The following B4GALNT3 variants were observed in gnomAD, a reference collection of about 807,000 sequenced individuals.
B4GALNT3 encodes the protein beta-1,4-N-acetylgalactosaminyltransferase 3.
B4GALNT3 carries 86 observed loss-of-function variants against 120.2 expected under a neutral mutation model. That is an observed-to-expected ratio of 0.72 (90% confidence interval 0.60 to 0.86). B4GALNT3 has a LOEUF of 0.86. B4GALNT3 is among the 40% of genes least tolerant of loss of function. The pLI, the probability that B4GALNT3 is intolerant of heterozygous loss-of-function variation, is 0.00. For missense variants in B4GALNT3, 1,167 were observed against 1,298.9 expected (o/e 0.90, Z 1.56); for synonymous variants, 518 against 510.4 (o/e 1.01, Z -0.20).
At chr12:500,378 G>A (rs1946426629) in intron 1 of B4GALNT3, among the ~76,000 whole-genome samples, 1 of 152,178 alleles carries the variant, frequency 6.6e-6, no homozygotes, top group South Asian at 2.1e-4. Flanking sequence ...GTTTCAACAG[G>A]AGGTTCATGG....
intron 1 of B4GALNT3, among the ~76,000 whole-genome samples, chr12:480,762 G>A (rs147508624): frequency 1.1e-3 from 165 of 152,282 alleles, no homozygotes; most frequent in African/African-American, 3.8e-3. Context: ...GAGGAGGGGT[G>A]CAATTGCATG....
chr12:504,968 G>A (rs1313888003), intron 1 of B4GALNT3, among the ~76,000 whole-genome samples: 3 of 151,388 alleles, frequency 2.0e-5, no homozygotes, highest in Non-Finnish European at 4.4e-5. Context: ...TCGGCTCACT[G>A]CAACCTCCGC....
chr12:558,651 G>A lies in B4GALNT3; in HGVS notation c.2751G>A (p.Gln917=). The A allele has an allele frequency of 6.2e-7, 1 of 1,613,938 alleles. No individual in the cohort carries two copies. Among genetic ancestry groups the A allele is most frequent in the Non-Finnish European group, 8.5e-7 (1 of 1,179,960 alleles). The change falls in exon 18 of 20, where the codon CAG becomes CAA. Residue 917 remains glutamine, a synonymous_variant. Transcript: ENST00000266383. The stretch of plus-strand genomic sequence containing the variant: ...GGCTGCATTGTGGGGCCACCCCCCA[G>A]TGGCCTGAGGGTGAGCCCTGCTCAG... The part of the protein sequence containing the change: ...VMRLHCGATP[Q]WPEGYWEVNG...
At chr12:547,995 C>G (rs1248211390) in intron 7 of B4GALNT3, 29 bp from the exon 8 acceptor site, 1 of 1,604,216 alleles carries the variant, frequency 6.2e-7, no homozygotes, top group African/African-American at 1.3e-5. Flanking sequence ...GGAGATGGCG[C>G]TCTGCTTCCC....
intron 1 of B4GALNT3, among the ~76,000 whole-genome samples, chr12:475,125 AAGAAG>A (rs1416112098): frequency 6.6e-6 from 1 of 152,116 alleles, no homozygotes; most frequent in East Asian, 1.9e-4. Flanking sequence ...AAAGAAAGAA[AAGAAG>A]AGAAGAGAGA....
At chr12:556,526 T>A (rs1314417836) in intron 14 of B4GALNT3, 21 bp from the exon 15 acceptor site, 3 of 1,599,726 alleles carry the variant, frequency 1.9e-6, no homozygotes, top group African/African-American at 1.3e-5. Flanking sequence ...CCACTCAGCC[T>A]CCCCACACTT....
At chr12:472,348 A>C (rs1269693906) in intron 1 of B4GALNT3, among the ~76,000 whole-genome samples, 3 of 152,240 alleles carry the variant, frequency 2.0e-5, no homozygotes, top group Non-Finnish European at 4.4e-5. Flanking sequence ...TGGCATGATC[A>C]TGGCTCGCTG....
At chr12:539,473 G>C (rs915601185) in intron 3 of B4GALNT3, among the ~76,000 whole-genome samples, 7 of 151,298 alleles carry the variant, frequency 4.6e-5, no homozygotes, top group African/African-American at 1.7e-4. Context: ...TGAGAAGGCA[G>C]TGTCTCTCTT....
chr12:490,345 C>G (rs1008519238), intron 1 of B4GALNT3, among the ~76,000 whole-genome samples: 1 of 152,126 alleles, frequency 6.6e-6, no homozygotes, highest in Admixed American at 6.6e-5. Context: ...TGATAAGCCT[C>G]TAAGCCATGC....
intron 1 of B4GALNT3, among the ~76,000 whole-genome samples, chr12:502,589 T>C (rs1946455932): frequency 1.3e-5 from 2 of 151,804 alleles, no homozygotes; most frequent in African/African-American, 4.8e-5. Context: ...AGAGAAAGAC[T>C]GAGGAAGAGG....
chr12:522,810 C>T (rs370996428), intron 1 of B4GALNT3, among the ~76,000 whole-genome samples: 1 of 151,604 alleles, frequency 6.6e-6, no homozygotes, highest in African/African-American at 2.4e-5. Flanking sequence ...TGGTGGCACA[C>T]GCCTGTGGTC....
chr12:516,463 G>A (rs1042081578), intron 1 of B4GALNT3, among the ~76,000 whole-genome samples: 1 of 152,196 alleles, frequency 6.6e-6, no homozygotes, highest in Non-Finnish European at 1.5e-5. Context: ...TGGAAGGACA[G>A]CAAGGAGATC....
In B4GALNT3 at chr12:548,334, C is replaced by T; in HGVS notation, c.853+37C>T. ...CTGGCCCTGCCCTGGAGATGGAGGCCAGGTGGGGACAGCCTACCCTGGGGG... is the reference window on the plus strand; with the variant it reads ...CTGGCCCTGCCCTGGAGATGGAGGCTAGGTGGGGACAGCCTACCCTGGGGG... On this transcript the variant is annotated intron_variant, in intron 9 of 19. Coordinates refer to ENST00000266383, the MANE Select transcript of B4GALNT3 (RefSeq NM_173593.4). This position sits in a 1 kb window ranked among gnomAD's most constrained non-coding sequence, Gnocchi z 4.9. 6.3e-7 allele frequency: 1 copy of T among 1,589,638 alleles called. No homozygotes were observed. The highest frequency in any genetic ancestry group is 2.2e-5 in the East Asian group (1 of 44,760).
chr12:481,911 T>C (rs1946246796), intron 1 of B4GALNT3, among the ~76,000 whole-genome samples: 1 of 152,030 alleles, frequency 6.6e-6, no homozygotes, highest in African/African-American at 2.4e-5. Flanking sequence ...TAGGTGGCTT[T>C]GTAGACCAGA....
chr12:554,695 C>T (rs1370360784), intron 14 of B4GALNT3, among the ~76,000 whole-genome samples: 1 of 134,466 alleles, frequency 7.4e-6, no homozygotes, highest in African/African-American at 2.9e-5. Flanking sequence ...GAGGCTGAGG[C>T]AGGAGAATGG....
chr12:502,989 G>C (rs1021826220), intron 1 of B4GALNT3, among the ~76,000 whole-genome samples: 1 of 151,978 alleles, frequency 6.6e-6, no homozygotes, highest in Non-Finnish European at 1.5e-5. Flanking sequence ...GAACTCCAAG[G>C]CTTAAGCTAT....
intron 9 of B4GALNT3, 47 bp from the exon 10 acceptor site, chr12:549,722 C>A (rs372833130): frequency 3.7e-6 from 6 of 1,610,828 alleles, no homozygotes; most frequent in Non-Finnish European, 4.2e-6. Flanking sequence ...TGGGCTGCTG[C>A]GCTCCAGGCC....
chr12:551,989 G>T, intron 11 of B4GALNT3, 74 bp from the exon 12 acceptor site: 1 of 1,207,712 alleles, frequency 8.3e-7, no homozygotes, highest in Non-Finnish European at 1.2e-6. Flanking sequence ...CCAGGGGCAG[G>T]CTTAACCCTG....
At chr12:519,811 A>G (rs1223615979) in intron 1 of B4GALNT3, among the ~76,000 whole-genome samples, 1 of 152,208 alleles carries the variant, frequency 6.6e-6, no homozygotes, top group Non-Finnish European at 1.5e-5. Context: ...CTGCAGTCTC[A>G]TCAGCAAAAG....
Sources: allele counts gnomAD v4.1 joint callset (sites outside exome capture counted in the v4.1 genomes callset), GRCh38; gene constraint gnomAD v4.1.1; non-coding constraint Gnocchi (gnomAD v3.1); transcripts MANE v1.5; gene names NCBI Gene and HGNC (gene_info 2026-07-23, HGNC 2026-07-21).